DOCK2: variants seen among roughly 807,000 people sequenced by gnomAD.
The protein encoded by DOCK2 is dedicator of cytokinesis protein 2.
DOCK2 carries 87 observed loss-of-function variants against 248.9 expected under a neutral mutation model. That is an observed-to-expected ratio of 0.35 (90% confidence interval 0.29 to 0.42). DOCK2 has a LOEUF of 0.42. Among genes scored for constraint, DOCK2 ranks in the 10% least tolerant of loss-of-function variants. The pLI, the probability that DOCK2 is intolerant of heterozygous loss-of-function variation, is 1.00. For missense variants in DOCK2, 1,747 were observed against 2,300.2 expected (o/e 0.76, Z 4.92); for synonymous variants, 805 against 821.6 (o/e 0.98, Z 0.35).
rs59193270 is a variant in DOCK2 at position 170,028,740 on chromosome 5, A to AACACAC, written c.3467+815_3467+820dup. ...TGCACCCCTTAGCCACTGCTCTGCC[A>AACACAC]ACACACACACACACACACACACACA... is the stretch of plus-strand genomic sequence containing the variant. On this transcript the variant is annotated intron_variant, in intron 34 of 51. Transcript: ENST00000520908. 1.5e-3 allele frequency among the ~76,000 whole-genome samples: 226 copies of AACACAC among 148,752 alleles called. 1 individual carries two copies. The highest frequency in any genetic ancestry group is 7.1e-3 in the Middle Eastern group (2 of 282).
At chr5:169,922,579 G>A (rs113622749) in intron 27 of DOCK2, among the ~76,000 whole-genome samples, 1 of 152,300 alleles carries the variant, frequency 6.6e-6, no homozygotes, top group South Asian at 2.1e-4. Flanking sequence ...TTGAGGATTT[G>A]CAGTTTAGAG....
intron 25 of DOCK2, among the ~76,000 whole-genome samples, chr5:169,799,979 A>AT (rs758052197): frequency 4.7e-4 from 72 of 152,074 alleles, no homozygotes; most frequent in Non-Finnish European, 9.6e-4. Flanking sequence ...TAATTTTTAA[A>AT]TTTTTGGTAG....
At chr5:169,924,601 A>T (rs1775339634) in intron 27 of DOCK2, among the ~76,000 whole-genome samples, 1 of 152,316 alleles carries the variant, frequency 6.6e-6, no homozygotes, top group Admixed American at 6.5e-5. Flanking sequence ...CTATTCAATC[A>T]TGCTGAAGTT....
At chr5:169,728,216 T>C (rs1762590010) in intron 22 of DOCK2, among the ~76,000 whole-genome samples, 1 of 152,164 alleles carries the variant, frequency 6.6e-6, no homozygotes, top group East Asian at 1.9e-4. Context: ...TATAGTGTAT[T>C]GGGTTTGGGA....
intron 21 of DOCK2, among the ~76,000 whole-genome samples, chr5:169,717,713 A>G (rs992552217): frequency 1.3e-5 from 2 of 152,216 alleles, no homozygotes; most frequent in African/African-American, 4.8e-5. Flanking sequence ...GGAAGTGCTC[A>G]TTCATCCATT....
chr5:169,960,866 C>T (rs77478722), intron 27 of DOCK2, among the ~76,000 whole-genome samples: 6,188 of 152,184 alleles, frequency 0.041, 376 homozygotes, highest in African/African-American at 0.13. Context: ...ATCCCTTTGT[C>T]CAGTATATTC....
intron 2 of DOCK2, among the ~76,000 whole-genome samples, chr5:169,658,032 A>C (rs1037463164): frequency 1.3e-5 from 2 of 152,218 alleles, no homozygotes; most frequent in Non-Finnish European, 2.9e-5. Flanking sequence ...ATTGGAAATA[A>C]AACATGGAAT....
chr5:170,013,455 C>T (rs1755386164), intron 32 of DOCK2, among the ~76,000 whole-genome samples: 1 of 152,000 alleles, frequency 6.6e-6, no homozygotes, highest in African/African-American at 2.4e-5. Context: ...AGTACAATTA[C>T]AGCATCCTTA....
chr5:169,884,615 A>G (rs909536619), intron 27 of DOCK2: 4 of 152,322 alleles, frequency 2.6e-5, no homozygotes, highest in Non-Finnish European at 5.9e-5. Context: ...CACAAAACCC[A>G]GTGGGGTATG....
chr5:169,761,241 A>G (rs560243792), intron 24 of DOCK2: 24 of 320,102 alleles, frequency 7.5e-5, no homozygotes, highest in Middle Eastern at 8.9e-4. Flanking sequence ...TGAAGTCTAC[A>G]TGGCATAATG....
intron 27 of DOCK2, among the ~76,000 whole-genome samples, chr5:169,964,915 T>C (rs1355711939): frequency 1.3e-5 from 2 of 152,234 alleles, no homozygotes; most frequent in East Asian, 3.8e-4. Context: ...TGAGTCTCCG[T>C]CGCTCATGAC....
At chr5:169,947,140 G>A (rs958584526) in intron 27 of DOCK2, among the ~76,000 whole-genome samples, 3 of 152,192 alleles carry the variant, frequency 2.0e-5, no homozygotes, top group South Asian at 2.1e-4. Flanking sequence ...CAAAGAGATT[G>A]TGCAAACTTC....
At chr5:169,736,986 G>A (rs757356824) in intron 22 of DOCK2, among the ~76,000 whole-genome samples, 58 of 152,148 alleles carry the variant, frequency 3.8e-4, no homozygotes, top group Middle Eastern at 3.2e-3. Context: ...TTAGACAAAG[G>A]TATGAAAGTT....
In DOCK2 at chr5:169,827,311, A is replaced by G. The variant is rs150652680; in HGVS notation, c.2704-13446A>G. ...GGAGAGGAGCTGCAACCTGCTGTTTAGGCAGCTTCTCAAGGATCTCAGTTC... is the reference window on the plus strand; with the variant it reads ...GGAGAGGAGCTGCAACCTGCTGTTTGGGCAGCTTCTCAAGGATCTCAGTTC... On this transcript the variant is annotated intron_variant, in intron 26 of 51. Transcript: ENST00000520908. Among the ~76,000 whole-genome samples the G allele has an allele frequency of 1.6e-3, 240 of 152,176 alleles. 1 individual carries two copies. The highest frequency in any genetic ancestry group is 5.6e-3 in the African/African-American group (234 of 41,446).
chr5:169,963,812 A>G (rs1204054259), intron 27 of DOCK2, among the ~76,000 whole-genome samples: 2 of 152,058 alleles, frequency 1.3e-5, no homozygotes, highest in African/African-American at 4.8e-5. Context: ...ATCCTTGAGC[A>G]CCCAGCAGAG....
chr5:169,648,361 G>A (rs767784573), intron 1 of DOCK2, among the ~76,000 whole-genome samples: 54 of 152,216 alleles, frequency 3.5e-4, no homozygotes, highest in Middle Eastern at 3.4e-3. Flanking sequence ...GGGCAAATTC[G>A]CTCCCAGTTG....
chr5:170,055,208 C>T (rs924423367), intron 41 of DOCK2, 97 bp from the exon 42 acceptor site: 2 of 1,194,912 alleles, frequency 1.7e-6, no homozygotes, highest in Non-Finnish European at 2.5e-6. Context: ...AATGTGGCCC[C>T]ATAAAGGCTG....
At chr5:169,793,295 C>T (rs868808039) in intron 25 of DOCK2, among the ~76,000 whole-genome samples, 2 of 152,186 alleles carry the variant, frequency 1.3e-5, no homozygotes, top group Admixed American at 6.5e-5. Flanking sequence ...ATCGACTTCC[C>T]TCTGTACTTG....
chr5:170,079,979 C>G, intron 49 of DOCK2, 184 bp from the exon 50 acceptor site: 3 of 954,234 alleles, frequency 3.1e-6, no homozygotes, highest in Non-Finnish European at 4.5e-6. Flanking sequence ...GTGTAGTGTG[C>G]AACCTGTGCA....
Sources: allele counts gnomAD v4.1 joint callset (sites outside exome capture counted in the v4.1 genomes callset), GRCh38; gene constraint gnomAD v4.1.1; transcripts MANE v1.5; gene names NCBI Gene and HGNC (gene_info 2026-07-23, HGNC 2026-07-21).